Variants in TBCEL observed in about 807,000 individuals in gnomAD.
The protein encoded by TBCEL is tubulin-specific chaperone cofactor E-like protein.
TBCEL carries 15 observed loss-of-function variants against 44.2 expected under a neutral mutation model. The observed-to-expected ratio is 0.34, with a 90% confidence interval of 0.23 to 0.52. The LOEUF (loss-of-function observed/expected upper bound fraction) is 0.52. Among genes scored for constraint, TBCEL ranks in the 20% least tolerant of loss-of-function variants. The pLI, the probability that TBCEL is intolerant of heterozygous loss-of-function variation, is 0.95. For synonymous variants in TBCEL, 171 were observed against 185.4 expected (o/e 0.92, Z 0.63); for missense variants, 319 against 506.3 (o/e 0.63, Z 3.55).
chr11:121,064,010 AT>A (rs1268952178), intron 8 of TBCEL, among the ~76,000 whole-genome samples: 1 of 152,156 alleles, frequency 6.6e-6, no homozygotes, highest in Non-Finnish European at 1.5e-5. Flanking sequence ...TGACAAGCTC[AT>A]TTTTAAGTGG....
chr11:121,062,273 G>T (rs1945738395), intron 8 of TBCEL, among the ~76,000 whole-genome samples: 2 of 152,022 alleles, frequency 1.3e-5, no homozygotes, highest in Non-Finnish European at 2.9e-5. Context: ...TGAAAGACCT[G>T]CCTGAGGCTG....
At chr11:121,076,953 A>G (rs1946044541) in intron 8 of TBCEL, among the ~76,000 whole-genome samples, 1 of 152,080 alleles carries the variant, frequency 6.6e-6, no homozygotes, top group Non-Finnish European at 1.5e-5. Context: ...ATAGTGAATT[A>G]TATTAATTGC....
At chr11:121,071,654 A>G (rs187894489) in intron 8 of TBCEL, among the ~76,000 whole-genome samples, 84 of 152,284 alleles carry the variant, frequency 5.5e-4, no homozygotes, top group Middle Eastern at 3.4e-3. Flanking sequence ...AATTCCTCAA[A>G]TGCTGATTTG....
chr11:121,082,770 A>C (rs1485679836), intron 8 of TBCEL, among the ~76,000 whole-genome samples: 1 of 152,140 alleles, frequency 6.6e-6, no homozygotes, highest in Non-Finnish European at 1.5e-5. Flanking sequence ...TCTAGGATTG[A>C]CTCTGGAGTA....
At chr11:121,060,841 G>T (rs1296009913) in intron 8 of TBCEL, among the ~76,000 whole-genome samples, 1 of 151,930 alleles carries the variant, frequency 6.6e-6, no homozygotes, top group Non-Finnish European at 1.5e-5. Flanking sequence ...GACTGGAGGA[G>T]TTTTAGACAA....
At chr11:121,066,605 C>T (rs1347292196) in intron 8 of TBCEL, among the ~76,000 whole-genome samples, 1 of 152,200 alleles carries the variant, frequency 6.6e-6, no homozygotes, top group Non-Finnish European at 1.5e-5. Flanking sequence ...ATGCCAGGAA[C>T]TGTTAGGCTT....
intron 1 of TBCEL, among the ~76,000 whole-genome samples, chr11:121,031,542 C>T (rs945412112): frequency 2.0e-5 from 3 of 151,544 alleles, no homozygotes; most frequent in African/African-American, 7.3e-5. Flanking sequence ...CTCCTTCTTA[C>T]TGTTTTTAAG....
At chr11:121,077,460 C>G (rs1414021900) in intron 8 of TBCEL, among the ~76,000 whole-genome samples, 1 of 151,978 alleles carries the variant, frequency 6.6e-6, no homozygotes, top group African/African-American at 2.4e-5. Context: ...CCTTTAATGT[C>G]TATGTGGTCT....
intron 6 of TBCEL, chr11:121,057,513 T>A: frequency 2.4e-6 from 1 of 422,976 alleles, no homozygotes; most frequent in South Asian, 1.8e-5. Context: ...TTTAGATCCA[T>A]CTCTCCTGTC....
chr11:121,079,433 TA>T (rs2135010998), intron 8 of TBCEL, among the ~76,000 whole-genome samples: 1 of 152,288 alleles, frequency 6.6e-6, no homozygotes, highest in African/African-American at 2.4e-5. Flanking sequence ...ATGATGAAAC[TA>T]AAACAGTGAT....
chr11:121,047,248 T>C (rs1945446452), intron 3 of TBCEL, among the ~76,000 whole-genome samples: 1 of 152,012 alleles, frequency 6.6e-6, no homozygotes, highest in Non-Finnish European at 1.5e-5. Flanking sequence ...ATGAGGGCTC[T>C]GTTGTTGGTA....
At chr11:121,081,252 T>A (rs1220914710) in intron 8 of TBCEL, among the ~76,000 whole-genome samples, 2 of 151,814 alleles carry the variant, frequency 1.3e-5, no homozygotes, top group African/African-American at 2.4e-5. Context: ...TTGTAGTAAA[T>A]TTTTTTTTAC....
At chr11:121,085,844 T>G (rs772414717) in intron 8 of TBCEL, among the ~76,000 whole-genome samples, 59 of 152,252 alleles carry the variant, frequency 3.9e-4, no homozygotes, top group Non-Finnish European at 6.5e-4. Flanking sequence ...CCCACAAACC[T>G]TATTATGACA....
chr11:121,056,203 A>G (rs1030935227), intron 6 of TBCEL, among the ~76,000 whole-genome samples: 1 of 151,844 alleles, frequency 6.6e-6, no homozygotes, highest in Non-Finnish European at 1.5e-5. Flanking sequence ...TGCCTTTTCC[A>G]GAATGTCATC....
In TBCEL at chr11:121,087,893, C is replaced by G. The variant is rs1946242146; in HGVS notation, c.*797C>G. The G allele has an allele frequency of 1.3e-5, 2 of 152,176 alleles. No homozygotes were observed. The highest frequency in any genetic ancestry group is 2.9e-5 in the Non-Finnish European group (2 of 68,036). 9.4% of individuals were successfully genotyped at this position (152,176 alleles called of 1,614,324 possible). A position where few individuals can be genotyped will look rare whatever the true frequency, so the allele number is the denominator to read the frequency against. On this transcript the variant is annotated 3_prime_UTR_variant, in exon 9 of 9. Transcript: ENST00000683345. The stretch of plus-strand genomic sequence containing the variant: ...TAATGTCCCTGTACATTATGTCAGC[C>G]ATTACTTTCATAACATGAAATATGT...
At chr11:121,069,914 A>C (rs1945895420) in intron 8 of TBCEL, among the ~76,000 whole-genome samples, 1 of 152,184 alleles carries the variant, frequency 6.6e-6, no homozygotes, top group African/African-American at 2.4e-5. Context: ...GCTTATTCTT[A>C]TAGACAGTGG....
rs150457659 is a variant in TBCEL at position 121,038,376 on chromosome 11, C to T, written c.-18+1764C>T. On this transcript the variant is annotated intron_variant, in intron 2 of 8. Transcript: ENST00000683345. ...GAAAAATATGTAACATATACATATG[C>T]TTTTCCAGAATAAATCAGTCTTTTT... Among the ~76,000 whole-genome samples the T allele has an allele frequency of 1.6e-3, 251 of 152,190 alleles. 1 individual carries two copies. The highest frequency in any genetic ancestry group is 2.0e-3 in the Admixed American group (31 of 15,288).
chr11:121,073,901 A>G (rs970860590), intron 8 of TBCEL, among the ~76,000 whole-genome samples: 18 of 151,940 alleles, frequency 1.2e-4, no homozygotes, highest in African/African-American at 4.1e-4. Context: ...GGTATATTCA[A>G]CTTGGTTGGG....
chr11:121,032,185 A>G (rs531695527), intron 1 of TBCEL, among the ~76,000 whole-genome samples: 41 of 152,276 alleles, frequency 2.7e-4, no homozygotes, highest in African/African-American at 9.1e-4. Flanking sequence ...CCTAGCACCA[A>G]TTATTGAATA....
Sources: allele counts gnomAD v4.1 joint callset (sites outside exome capture counted in the v4.1 genomes callset), GRCh38; gene constraint gnomAD v4.1.1; transcripts MANE v1.5; gene names NCBI Gene and HGNC (gene_info 2026-07-23, HGNC 2026-07-21).